Variants in PLAGL1 observed in about 807,000 individuals in gnomAD.
PLAGL1 encodes the protein zinc finger protein PLAGL1.
A neutral mutation model predicts 4.6 loss-of-function variants in PLAGL1; 1 was observed. The observed-to-expected ratio is 0.22, with a 90% CI of 0.08 to 1.03. The LOEUF (loss-of-function observed/expected upper bound fraction) is 1.03, where lower values mean the gene tolerates loss of function less well. Ranked by LOEUF, PLAGL1 falls within the 50% of genes least tolerant of loss-of-function variation. The pLI is 0.58. For missense variants in PLAGL1, 464 were observed against 570.4 expected (o/e 0.81, Z 1.90); for synonymous variants, 240 against 237.8 (o/e 1.01, Z -0.08).
In PLAGL1 at chr6:144,015,340, A is replaced by C. The variant is rs1179893371; in HGVS notation, c.-150-46362T>G. Among the ~76,000 whole-genome samples the C allele has an allele frequency of 6.6e-6, 1 of 152,238 alleles. No individual in the cohort carries two copies. Among genetic ancestry groups the C allele is most frequent in the Non-Finnish European group, 1.5e-5 (1 of 68,040 alleles). On this transcript the variant is annotated intron_variant, in intron 1 of 3. Coordinates refer to the PLAGL1 transcript ENST00000437412. The surrounding 1 kb of genome is among the most constrained non-coding windows in gnomAD (Gnocchi z 4.3). ...CTAGCTTACATGATATTTCTGTTTG[A>C]CAACACTGTTTTAGAAGAAAACCTA...
chr6:144,044,143 AT>A (rs1186161493), intron 1 of PLAGL1, among the ~76,000 whole-genome samples: 14 of 151,926 alleles, frequency 9.2e-5, no homozygotes, highest in East Asian at 3.9e-4. Flanking sequence ...GGATTCATTG[AT>A]TTTTTTGAAG....
Position 143,942,815 on chromosome 6 carries a change from T to C in PLAGL1, c.153-152A>G, listed in dbSNP as rs538928554. 1.8e-4 allele frequency: 111 copies of C among 604,680 alleles called. No individual in the cohort carries two copies. In the African/African-American group the frequency reaches 1.8e-3, roughly 10 times the overall value. 37.5% of individuals were successfully genotyped at this position (604,680 alleles called of 1,614,324 possible). A position where few individuals can be genotyped will look rare whatever the true frequency, so the allele number is the denominator to read the frequency against. Reference sequence around the variant, plus strand: ...TCATATATTTTCCAAATATATAAACTTTTATAATTAAGAAAAGCAAGCAAT... The same window carrying C: ...TCATATATTTTCCAAATATATAAACCTTTATAATTAAGAAAAGCAAGCAAT... On this transcript the variant is annotated intron_variant, in intron 7 of 7. Transcript: ENST00000674357. This position sits in a 1 kb window ranked among gnomAD's most constrained non-coding sequence, Gnocchi z 7.6.
intron 1 of PLAGL1, among the ~76,000 whole-genome samples, chr6:143,993,976 G>A (rs1402214107): frequency 6.6e-6 from 1 of 151,304 alleles, no homozygotes. Flanking sequence ...ATGCAGGATA[G>A]AAAGGTTTGC....
rs1358190114 is a variant in PLAGL1, at chr6:144,016,125, C to T, written c.-150-47147G>A. 2.0e-5 allele frequency among the ~76,000 whole-genome samples: 3 copies of T among 150,184 alleles called. No individual in the cohort carries two copies. Among genetic ancestry groups the T allele is most frequent in the East Asian group, 2.1e-4 (1 of 4,872 alleles). The stretch of plus-strand genomic sequence containing the variant: ...ATACATATGTGTATATATATATATA[C>T]ACACACATATACATATGAGTTTATT... On this transcript the variant is annotated intron_variant, in intron 1 of 3. Transcript: ENST00000437412. The surrounding 1 kb of genome is among the most constrained non-coding windows in gnomAD (Gnocchi z 4.2).
rs1782487305 is a variant in PLAGL1, at chr6:143,957,867, C to CACTGGATT, written c.-325+2594_-325+2601dup. Among the ~76,000 whole-genome samples, 1 of 152,214 alleles carries CACTGGATT rather than the reference C, an allele frequency of 6.6e-6. No homozygotes were observed. Among genetic ancestry groups the CACTGGATT allele is most frequent in the Non-Finnish European group, 1.5e-5 (1 of 68,036 alleles). On this transcript the variant is annotated intron_variant, in intron 6 of 7. Coordinates refer to ENST00000674357, the MANE Select transcript of PLAGL1 (RefSeq NM_001317162.2). This position sits in a 1 kb window ranked among gnomAD's most constrained non-coding sequence, Gnocchi z 4.2. ...ACTACATGGGAGCAGGGTATCTTGACACTGGATTTATAGATGACCTCATTG... is the reference window on the plus strand; with the variant it reads ...ACTACATGGGAGCAGGGTATCTTGACACTGGATTACTGGATTTATAGATGACCTCATTG...
chr6:144,041,644 C>G (rs1290330782), intron 1 of PLAGL1, among the ~76,000 whole-genome samples: 1 of 152,162 alleles, frequency 6.6e-6, no homozygotes, highest in Non-Finnish European at 1.5e-5. Context: ...AATAAACATA[C>G]AATATCTGCA....
rs1272893098 is a variant in PLAGL1, at chr6:144,048,896, T to C, written c.-151+15572A>G. On this transcript the variant is annotated intron_variant, in intron 1 of 3. Transcript: ENST00000437412. This position sits in a 1 kb window ranked among gnomAD's most constrained non-coding sequence, Gnocchi z 4.8. ...AGGTCGGGATGCATATTTTCCAAAC[T>C]TCTATGCTCTGCTTCCCTTTTAAAT... Among the ~76,000 whole-genome samples, 2 of 152,244 alleles carry C rather than the reference T, an allele frequency of 1.3e-5. No individual in the cohort carries two copies. The highest frequency in any genetic ancestry group is 2.9e-5 in the Non-Finnish European group (2 of 68,038).
At chr6:144,051,508 AAT>A (rs1026864114) in intron 1 of PLAGL1, among the ~76,000 whole-genome samples, 9 of 152,328 alleles carry the variant, frequency 5.9e-5, no homozygotes, top group African/African-American at 1.9e-4. Flanking sequence ...CCTTTAAACC[AAT>A]ATGTTTCAAA....
chr6:144,058,406 A>T (rs1019293234), intron 1 of PLAGL1, among the ~76,000 whole-genome samples: 2 of 152,124 alleles, frequency 1.3e-5, no homozygotes, highest in Non-Finnish European at 2.9e-5. Flanking sequence ...TCAACATGAG[A>T]TTTGGAGGGA....
chr6:144,013,237 A>AT (rs1408423451), upstream of PLAGL1, among the ~76,000 whole-genome samples: 2 of 152,210 alleles, frequency 1.3e-5, no homozygotes, highest in African/African-American at 4.8e-5. This position sits in a 1 kb window ranked among gnomAD's most constrained non-coding sequence, Gnocchi z 4.4. Flanking sequence ...GGTTGATACA[A>AT]TGTGTCAGGA....
At position 144,025,980 on chromosome 6, in the gene PLAGL1, A is replaced by G. The variant is rs1431346194; in HGVS notation, c.-151+38488T>C. The stretch of plus-strand genomic sequence containing the variant: ...AGTCAGTCTGGGAATACTGCCACAT[A>G]TATAACACGAATACTAAGTAACAAC... On this transcript the variant is annotated intron_variant, in intron 1 of 3. Coordinates refer to the PLAGL1 transcript ENST00000437412. Among the ~76,000 whole-genome samples, 5 of 152,198 alleles carry G rather than the reference A, an allele frequency of 3.3e-5. No homozygotes were observed. In the East Asian group the frequency reaches 5.8e-4, roughly 18 times the overall value.
Position 144,063,882 on chromosome 6 carries a change from G to A in PLAGL1, c.-151+586C>T, listed in dbSNP as rs962836485. ...GCCGGTAATCCGGGGTGACGCCACG[G>A]CCCAGGTCTCTTTTCTCCCGGAGTC... On this transcript the variant is annotated intron_variant, in intron 1 of 3. Coordinates refer to the PLAGL1 transcript ENST00000437412. This position sits in a 1 kb window ranked among gnomAD's most constrained non-coding sequence, Gnocchi z 5.7. Among the ~76,000 whole-genome samples, 4 of 152,142 alleles carry A rather than the reference G, an allele frequency of 2.6e-5. No individual in the cohort carries two copies. In the East Asian group the frequency reaches 5.8e-4, roughly 22 times the overall value.
At position 143,966,986 on chromosome 6, in the gene PLAGL1, T is replaced by G. The variant is rs563907473; in HGVS notation, c.-471-788A>C. 6.6e-6 allele frequency: 1 copy of G among 152,328 alleles called. No homozygotes were observed. Among genetic ancestry groups the G allele is most frequent in the South Asian group, 2.1e-4 (1 of 4,832 alleles). 9.4% of individuals were successfully genotyped at this position (152,328 alleles called of 1,614,324 possible). The stretch of plus-strand genomic sequence containing the variant: ...GCAGCATGCATACTCTACTTAATAC[T>G]AGGTTGTGTTCCTACAGTTAGTTAA... On this transcript the variant is annotated intron_variant, in intron 3 of 7. Transcript: ENST00000674357. The surrounding 1 kb of genome is among the most constrained non-coding windows in gnomAD (Gnocchi z 6.0).
At chr6:144,062,050 G>A (rs921864793) in intron 1 of PLAGL1, among the ~76,000 whole-genome samples, 2 of 152,088 alleles carry the variant, frequency 1.3e-5, no homozygotes, top group Non-Finnish European at 2.9e-5. Context: ...CTTTTATGAA[G>A]ATGAAATGAC....
At position 144,000,501 on chromosome 6, in the gene PLAGL1, C is replaced by T. The variant is rs1792624857; in HGVS notation, c.-584+7589G>A. On this transcript the variant is annotated intron_variant, in intron 1 of 7. Transcript: ENST00000674357. The surrounding 1 kb of genome is among the most constrained non-coding windows in gnomAD (Gnocchi z 4.1). Reference sequence around the variant, plus strand: ...ATATGTACAAGTCCTTTATTTATATCATATCATTGAAGGACACAAAAAGGA... The same window carrying T: ...ATATGTACAAGTCCTTTATTTATATTATATCATTGAAGGACACAAAAAGGA... Among the ~76,000 whole-genome samples the T allele has an allele frequency of 6.6e-6, 1 of 151,974 alleles. No homozygotes were observed. The highest frequency in any genetic ancestry group is 2.1e-4 in the South Asian group (1 of 4,828).
rs1388780842 is a variant in PLAGL1 at position 143,954,756 on chromosome 6, GA to G, written c.-325+5712del. On this transcript the variant is annotated intron_variant, in intron 6 of 7. Coordinates refer to ENST00000674357, the MANE Select transcript of PLAGL1 (RefSeq NM_001317162.2). The surrounding 1 kb of genome is among the most constrained non-coding windows in gnomAD (Gnocchi z 5.1). ...CGATACAGTAAGACAATAAACTAAT[GA>G]AAGGCATAAAATTGGAATGGAATAA... 8.0e-4 allele frequency among the ~76,000 whole-genome samples: 122 copies of G among 152,250 alleles called. No homozygotes were observed. The highest frequency in any genetic ancestry group is 2.7e-3 in the African/African-American group (113 of 41,544).
chr6:144,047,697 C>T (rs1798266114), intron 1 of PLAGL1, among the ~76,000 whole-genome samples: 1 of 152,172 alleles, frequency 6.6e-6, no homozygotes, highest in Non-Finnish European at 1.5e-5. Flanking sequence ...TCTCCCTCAA[C>T]ACGTGGGGAT....
Position 144,059,225 on chromosome 6 carries a change from G to A in PLAGL1, c.-151+5243C>T, listed in dbSNP as rs1028066583. On this transcript the variant is annotated intron_variant, in intron 1 of 3. Coordinates refer to the PLAGL1 transcript ENST00000437412. This position sits in a 1 kb window ranked among gnomAD's most constrained non-coding sequence, Gnocchi z 4.9. ...CCTTGCACTCCCCAAAGCCACAGCC[G>A]GAGCTCTACCTGGGGCCCTTTGAAC... 1.7e-4 allele frequency among the ~76,000 whole-genome samples: 26 copies of A among 152,224 alleles called. No individual in the cohort carries two copies. The highest frequency in any genetic ancestry group is 5.1e-4 in the African/African-American group (21 of 41,456).
rs2128600172 is a variant in PLAGL1, at chr6:143,978,445, C to G, written c.-544+6690G>C. On this transcript the variant is annotated intron_variant, in intron 2 of 7. Transcript: ENST00000674357. This position sits in a 1 kb window ranked among gnomAD's most constrained non-coding sequence, Gnocchi z 4.6. ...GATCCATGGGTTATTTAGAAGCATA[C>G]TGTTTAATTTCCAAATATTTGGAAA... Among the ~76,000 whole-genome samples the G allele has an allele frequency of 6.6e-6, 1 of 152,250 alleles. No individual in the cohort carries two copies. Among genetic ancestry groups the G allele is most frequent in the East Asian group, 1.9e-4 (1 of 5,192 alleles).
Sources: gnomAD v4.1 joint callset for allele counts (sites outside exome capture counted in the v4.1 genomes callset) on GRCh38, gnomAD v4.1.1 for gene constraint, Gnocchi (gnomAD v3.1) non-coding constraint, MANE v1.5 for transcripts, NCBI Gene and HGNC (gene_info 2026-07-23, HGNC 2026-07-21) for gene names.